Variants in ESR1 observed in about 807,000 individuals in gnomAD.
The protein encoded by ESR1 is estrogen receptor 1, also known as estrogen receptor.
ESR1 carries 12 observed loss-of-function variants against 52.7 expected under a neutral mutation model. The ratio of observed to expected loss-of-function variants is 0.23; its 90% CI spans 0.15 to 0.37. The LOEUF (loss-of-function observed/expected upper bound fraction) is 0.37. ESR1 is among the 10% of genes least tolerant of loss of function. ESR1 has a pLI of 1.00. For missense variants in ESR1, 584 were observed against 779.7 expected, an observed-to-expected ratio of 0.75 and a Z score of 2.99; for synonymous variants, 305 against 316.8, an observed-to-expected ratio of 0.96 and a Z score of 0.39.
intron 3 of ESR1, among the ~76,000 whole-genome samples, chr6:151,881,035 G>A (rs762226842): frequency 3.9e-5 from 6 of 152,202 alleles, no homozygotes; most frequent in Non-Finnish European, 8.8e-5. Context: ...AATCAAAGGT[G>A]TGTGGGAGGC....
At chr6:151,919,888 A>G (rs1444484730) in intron 3 of ESR1, among the ~76,000 whole-genome samples, 1 of 152,224 alleles carries the variant, frequency 6.6e-6, no homozygotes, top group African/African-American at 2.4e-5. Context: ...ACACACACAC[A>G]GGTATATGTA....
At chr6:151,700,668 C>CTTTTTT (rs34905961) in intron 1 of ESR1, among the ~76,000 whole-genome samples, 1 of 117,224 alleles carries the variant, frequency 8.5e-6, no homozygotes, top group Admixed American at 9.0e-5. Flanking sequence ...TTAAACTTTC[C>CTTTTTT]TTTTTTTTTT....
At position 152,111,395 on chromosome 6, in the gene ESR1, C is replaced by T. The variant is rs148221429; in HGVS notation, c.851-13871C>T. Among the ~76,000 whole-genome samples, 15 of 152,294 alleles carry T rather than the reference C, an allele frequency of 9.8e-5. 1 individual carries two copies. In the East Asian group the frequency reaches 2.9e-3, roughly 29 times the overall value. Reference sequence around the variant, plus strand: ...GCTAGGCCGTTTGCCAAGAGCCAGTCGCCCCAAGGGTTGCAGGACAGACAG... The same window carrying T: ...GCTAGGCCGTTTGCCAAGAGCCAGTTGCCCCAAGGGTTGCAGGACAGACAG... On this transcript the variant is annotated intron_variant, in intron 6 of 6. Transcript: ENST00000427531.
intron 2 of ESR1, among the ~76,000 whole-genome samples, chr6:151,874,798 A>G (rs1165143428): frequency 6.6e-6 from 1 of 152,224 alleles, no homozygotes; most frequent in East Asian, 1.9e-4. Flanking sequence ...TATTTTATTT[A>G]AAGCTAAAGT....
intron 3 of ESR1, among the ~76,000 whole-genome samples, chr6:151,934,801 A>G (rs958204043): frequency 1.6e-4 from 25 of 152,366 alleles, no homozygotes; most frequent in Middle Eastern, 3.4e-3. Context: ...GTAATCTCTA[A>G]TAAGAAACGT....
chr6:151,736,171 T>TAATGGAAG (rs1435053218), intron 2 of ESR1, among the ~76,000 whole-genome samples: 1 of 152,236 alleles, frequency 6.6e-6, no homozygotes, highest in Non-Finnish European at 1.5e-5. Flanking sequence ...AAATTAATAC[T>TAATGGAAG]GTCCTTTCCA....
At chr6:151,678,482 A>AT (rs1264033292) in intron 1 of ESR1, among the ~76,000 whole-genome samples, 1 of 151,956 alleles carries the variant, frequency 6.6e-6, no homozygotes, top group Non-Finnish European at 1.5e-5. Context: ...TAAAAAAAAA[A>AT]AAAAAAGTTG....
At chr6:151,679,682 C>T (rs564575647) in intron 1 of ESR1, among the ~76,000 whole-genome samples, 2 of 152,204 alleles carry the variant, frequency 1.3e-5, no homozygotes, top group Non-Finnish European at 2.9e-5. Flanking sequence ...CCCCACACAC[C>T]TTAGCATTCC....
Position 151,807,811 on chromosome 6 carries a change from G to C in ESR1, c.-102G>C, listed in dbSNP as rs1347134811. 4 of 1,060,786 alleles carry C rather than the reference G, an allele frequency of 3.8e-6. No individual in the cohort carries two copies. The African/African-American group carries it at 6.3e-5, about 17-fold the overall frequency. The allele number at this position is 1,060,786 out of a possible 1,614,324, so 65.7% of individuals were successfully genotyped here. A position where few individuals can be genotyped will look rare whatever the true frequency, so the allele number is the denominator to read the frequency against. On this transcript the variant is annotated 5_prime_UTR_variant, in exon 1 of 8. Transcript: ENST00000206249. Reference sequence around the variant, plus strand: ...GTGTCGGCGGGACATGCGCTGCGTCGCCTCTAACCTCGGGCTGTGCTCTTT... The same window carrying C: ...GTGTCGGCGGGACATGCGCTGCGTCCCCTCTAACCTCGGGCTGTGCTCTTT...
chr6:151,855,463 C>A (rs777932311), intron 2 of ESR1, among the ~76,000 whole-genome samples: 5 of 152,166 alleles, frequency 3.3e-5, no homozygotes, highest in Admixed American at 6.5e-5. Context: ...CTGTCCACAC[C>A]TAGAGACCTC....
chr6:152,128,693 A>G (rs1562869192), exon 7 of ESR1: 1 of 152,252 alleles, frequency 6.6e-6, no homozygotes. Flanking sequence ...GACTGCTGGA[A>G]ACAACATTCT....
intron 5 of ESR1, among the ~76,000 whole-genome samples, chr6:152,055,353 T>C (rs1196690778): frequency 6.6e-6 from 1 of 152,150 alleles, no homozygotes; most frequent in African/African-American, 2.4e-5. Context: ...AAGCCTGATA[T>C]TCTTATTTGC....
chr6:151,783,981 A>C (rs1292408495), intron 2 of ESR1, among the ~76,000 whole-genome samples: 1 of 152,236 alleles, frequency 6.6e-6, no homozygotes, highest in East Asian at 1.9e-4. Context: ...TTTGAGAGGA[A>C]GACCACAGAA....
chr6:151,749,269 A>G (rs771946613), intron 2 of ESR1, among the ~76,000 whole-genome samples: 6 of 152,144 alleles, frequency 3.9e-5, no homozygotes, highest in Non-Finnish European at 7.4e-5. Flanking sequence ...TTTTTAAAAT[A>G]AAATTTTATT....
At chr6:151,917,754 C>T (rs1036706629) in intron 3 of ESR1, among the ~76,000 whole-genome samples, 2 of 152,100 alleles carry the variant, frequency 1.3e-5, no homozygotes, top group African/African-American at 4.8e-5. Flanking sequence ...AGGGCTGCCT[C>T]CTTGGTTGCT....
At chr6:151,834,170 C>A (rs186511902) in intron 1 of ESR1, among the ~76,000 whole-genome samples, 41 of 152,248 alleles carry the variant, frequency 2.7e-4, no homozygotes, top group Admixed American at 7.8e-4. Flanking sequence ...ACCAGAAATA[C>A]CATTTGGCCC....
chr6:151,975,169 CCTGGCCA>C (rs2039320703), intron 4 of ESR1, among the ~76,000 whole-genome samples: 1 of 152,098 alleles, frequency 6.6e-6, no homozygotes. Flanking sequence ...GTCCTCTTGG[CCTGGCCA>C]CTGGCCACAT....
chr6:151,707,686 T>A (rs1562344586), intron 2 of ESR1, among the ~76,000 whole-genome samples: 1 of 152,092 alleles, frequency 6.6e-6, no homozygotes, highest in East Asian at 1.9e-4. Flanking sequence ...GCAAAGTTCT[T>A]TATAAAGTCC....
Position 152,098,756 on chromosome 6 carries a change from C to T in ESR1, c.1578C>T (p.Tyr526=), listed in dbSNP as rs2152506373. ...HMSNKGMEHL[Y]SMKCKNVVPL... The stretch of plus-strand genomic sequence containing the variant: ...GTAACAAAGGCATGGAGCATCTGTA[C>T]AGCATGAAGTGCAAGAACGTGGTGC... Residue 526 remains tyrosine, a synonymous_variant, in exon 8 of 8, where the codon TAC becomes TAT. Coordinates refer to ENST00000206249, the MANE Select transcript of ESR1 (RefSeq NM_000125.4). This position sits in a 1 kb window ranked among gnomAD's most constrained non-coding sequence, Gnocchi z 5.1. The T allele has an allele frequency of 6.2e-7, 1 of 1,614,116 alleles. No homozygotes were observed. The highest frequency in any genetic ancestry group is 8.5e-7 in the Non-Finnish European group (1 of 1,180,000).
Sources: gnomAD v4.1 joint callset for allele counts (sites outside exome capture counted in the v4.1 genomes callset) on GRCh38, gnomAD v4.1.1 for gene constraint, Gnocchi (gnomAD v3.1) non-coding constraint, MANE v1.5 for transcripts, NCBI Gene and HGNC (gene_info 2026-07-23, HGNC 2026-07-21) for gene names.